The following RPS6KC1 variants were observed in gnomAD, a reference collection of about 807,000 sequenced individuals.
RPS6KC1 encodes the protein inactive ribosomal protein S6 kinase delta-1.
A neutral mutation model predicts 103.8 loss-of-function variants in RPS6KC1; 54 were observed. The ratio of observed to expected loss-of-function variants is 0.52; its 90% CI spans 0.42 to 0.65. The LOEUF (loss-of-function observed/expected upper bound fraction) is 0.65, where lower values mean the gene tolerates loss of function less well. RPS6KC1 is among the 30% of genes least tolerant of loss of function. The probability of loss-of-function intolerance (pLI) is 0.00; values close to 1 mark genes in which losing one functional copy is unlikely to be tolerated. For synonymous variants in RPS6KC1, 439 were observed against 438.7 expected, an observed-to-expected ratio of 1.00 and a Z score of -0.01; for missense variants, 1,151 against 1,253.8, an observed-to-expected ratio of 0.92 and a Z score of 1.24.
the RPS6KC1 span, among the ~76,000 whole-genome samples, chr1:213,846,472 C>T: frequency 6.6e-6 from 1 of 152,078 alleles, no homozygotes. Flanking sequence ...TAGTTAAGAC[C>T]AATAAATGCC....
the RPS6KC1 span, among the ~76,000 whole-genome samples, chr1:213,706,030 A>G: frequency 6.6e-6 from 1 of 152,182 alleles, no homozygotes; most frequent in African/African-American, 2.4e-5. Flanking sequence ...TTTTGGAGTC[A>G]TGAGCTGTGC....
the RPS6KC1 span, among the ~76,000 whole-genome samples, chr1:213,471,001 CT>C: frequency 6.6e-6 from 1 of 152,124 alleles, no homozygotes; most frequent in Non-Finnish European, 1.5e-5. Flanking sequence ...ATGCTTAATT[CT>C]TTCCCTTTAT....
the RPS6KC1 span, among the ~76,000 whole-genome samples, chr1:213,584,497 T>G: frequency 2.0e-5 from 3 of 152,228 alleles, no homozygotes; most frequent in Non-Finnish European, 4.4e-5. Flanking sequence ...TGTTTCTATA[T>G]CACCATTATC....
At chr1:213,192,423 C>A (rs1188396361) in intron 8 of RPS6KC1, among the ~76,000 whole-genome samples, 1 of 152,132 alleles carries the variant, frequency 6.6e-6, no homozygotes, top group East Asian at 1.9e-4. Context: ...GTATTCCCAC[C>A]TCTGTTTTTC....
the RPS6KC1 span, among the ~76,000 whole-genome samples, chr1:213,532,362 C>T: frequency 1.5e-3 from 229 of 152,058 alleles, no homozygotes; most frequent in Non-Finnish European, 2.7e-3. Flanking sequence ...GAGGGGCTTA[C>T]GGTTTAGCCC....
chr1:213,605,298 T>C, the RPS6KC1 span, among the ~76,000 whole-genome samples: 13,236 of 152,256 alleles, frequency 0.087, 887 homozygotes, highest in African/African-American at 0.18. Context: ...TCTTAAAAAG[T>C]CACAGTTTCT....
chr1:213,507,221 C>T, the RPS6KC1 span, among the ~76,000 whole-genome samples: 1 of 152,156 alleles, frequency 6.6e-6, no homozygotes. Flanking sequence ...TTTGAGGACT[C>T]GAGTGGCAGC....
the RPS6KC1 span, among the ~76,000 whole-genome samples, chr1:213,332,256 TG>T: frequency 6.6e-6 from 1 of 152,214 alleles, no homozygotes; most frequent in African/African-American, 2.4e-5. Flanking sequence ...TGTACATCGT[TG>T]GCACCCACCA....
chr1:213,728,804 A>G, the RPS6KC1 span, among the ~76,000 whole-genome samples: 1 of 152,090 alleles, frequency 6.6e-6, no homozygotes, highest in East Asian at 1.9e-4. Context: ...CTTTCCATAT[A>G]GGTCACAGCT....
chr1:213,836,537 C>T, the RPS6KC1 span, among the ~76,000 whole-genome samples: 2 of 151,790 alleles, frequency 1.3e-5, no homozygotes, highest in African/African-American at 4.8e-5. Context: ...TCAAATCCCC[C>T]TTCCCTTACA....
chr1:213,247,775 C>T (rs947217301), intron 12 of RPS6KC1, among the ~76,000 whole-genome samples: 1 of 152,132 alleles, frequency 6.6e-6, no homozygotes, highest in African/African-American at 2.4e-5. Context: ...ACAAAATGTA[C>T]TCAAAATTGA....
At chr1:213,115,420 T>C (rs1350957806) in intron 4 of RPS6KC1, among the ~76,000 whole-genome samples, 1 of 152,226 alleles carries the variant, frequency 6.6e-6, no homozygotes, top group African/African-American at 2.4e-5. Flanking sequence ...CATTTTTTAT[T>C]GCGTCTATTT....
the RPS6KC1 span, among the ~76,000 whole-genome samples, chr1:213,407,246 A>G: frequency 2.0e-5 from 3 of 149,470 alleles, no homozygotes; most frequent in South Asian, 4.2e-4. Context: ...ACACACACAC[A>G]CGCAGAGAGA....
chr1:213,362,748 A>G, the RPS6KC1 span, among the ~76,000 whole-genome samples: 1 of 152,220 alleles, frequency 6.6e-6, no homozygotes, highest in African/African-American at 2.4e-5. Context: ...GTTGGGTGAG[A>G]TTAAAAAGGA....
the RPS6KC1 span, among the ~76,000 whole-genome samples, chr1:213,656,749 C>G: frequency 6.6e-6 from 1 of 152,198 alleles, no homozygotes; most frequent in African/African-American, 2.4e-5. Context: ...TCTTTTTTCT[C>G]TTTGTGCTTT....
chr1:213,650,111 C>T, the RPS6KC1 span, among the ~76,000 whole-genome samples: 3 of 152,160 alleles, frequency 2.0e-5, no homozygotes, highest in Admixed American at 2.0e-4. Context: ...GGTTTGGTCC[C>T]TTTCTATACA....
the RPS6KC1 span, among the ~76,000 whole-genome samples, chr1:213,454,269 A>G: frequency 3.3e-5 from 5 of 152,206 alleles, no homozygotes; most frequent in African/African-American, 1.2e-4. Context: ...AAATTTATTA[A>G]TATGAATATT....
At chr1:213,538,604 G>A in the RPS6KC1 span, among the ~76,000 whole-genome samples, 1 of 152,286 alleles carries the variant, frequency 6.6e-6, no homozygotes, top group Non-Finnish European at 1.5e-5. Flanking sequence ...CTGTAAGGAT[G>A]AGGGAAAGGT....
chr1:213,371,080 A>G, the RPS6KC1 span, among the ~76,000 whole-genome samples: 1 of 152,134 alleles, frequency 6.6e-6, no homozygotes, highest in Non-Finnish European at 1.5e-5. Context: ...CACAACTGCA[A>G]CTATACCCAT....
Sources: gnomAD v4.1 joint callset for allele counts (sites outside exome capture counted in the v4.1 genomes callset) on GRCh38, gnomAD v4.1.1 for gene constraint, MANE v1.5 for transcripts, NCBI Gene and HGNC (gene_info 2026-07-23, HGNC 2026-07-21) for gene names.